PRRC2C: variants seen among roughly 807,000 people sequenced by gnomAD.
The protein encoded by PRRC2C is protein PRRC2C.
Under a neutral mutation model 317.2 loss-of-function variants are expected in PRRC2C, and 72 were observed. That is an observed-to-expected ratio of 0.23 (90% CI 0.19 to 0.28). The LOEUF is 0.28. Among genes scored for constraint, PRRC2C ranks in the 10% least tolerant of loss-of-function variants. PRRC2C has a pLI of 1.00. For synonymous variants in PRRC2C, 1,296 were observed against 1,205.9 expected, an observed-to-expected ratio of 1.07 and a Z score of -1.55; for missense variants, 3,074 against 3,459.7, an observed-to-expected ratio of 0.89 and a Z score of 2.80.
intron 1 of PRRC2C, among the ~76,000 whole-genome samples, chr1:171,489,096 C>A (rs1377769245): frequency 3.3e-5 from 5 of 151,946 alleles, no homozygotes; most frequent in Non-Finnish European, 7.4e-5. Context: ...TGGTGGTTGG[C>A]GTATACCTAG....
chr1:171,591,278 T>A (rs1651348485), intron 34 of PRRC2C: 1 of 966,448 alleles, frequency 1.0e-6, no homozygotes, highest in Admixed American at 4.7e-5. Flanking sequence ...GTTTTAAGTG[T>A]TACATGTATG....
intron 28 of PRRC2C, among the ~76,000 whole-genome samples, chr1:171,583,558 A>G (rs543844309): frequency 3.3e-5 from 5 of 152,342 alleles, no homozygotes; most frequent in Admixed American, 1.3e-4. Context: ...TAAAAAGAGT[A>G]CACTCTAAAA....
intron 27 of PRRC2C, 116 bp downstream of exon 27, chr1:171,579,582 T>A: frequency 7.0e-7 from 1 of 1,434,074 alleles, no homozygotes; most frequent in East Asian, 2.5e-5. Context: ...CACGATTAGC[T>A]TGATATTCTA....
chr1:171,518,584 G>T (rs1179660307), intron 6 of PRRC2C, among the ~76,000 whole-genome samples: 2 of 128,100 alleles, frequency 1.6e-5, no homozygotes, highest in Admixed American at 8.9e-5. Context: ...TGCACCCTCT[G>T]CCCCCTGGGT....
rs1390072737 is a variant in PRRC2C at position 171,485,919 on chromosome 1, G to A, written c.-58+184G>A. On this transcript the variant is annotated intron_variant, in intron 1 of 34. Coordinates refer to ENST00000647382, the MANE Select transcript of PRRC2C (RefSeq NM_001387844.1). ...GGTTACCATCATCTCTGTGTCTGGG[G>A]AAGTCGGCCTCCAGCTTGGGGAGCG... 2.6e-5 allele frequency among the ~76,000 whole-genome samples: 4 copies of A among 152,206 alleles called. No individual in the cohort carries two copies. In the East Asian group the frequency reaches 5.8e-4, roughly 22 times the overall value.
chr1:171,511,305 CTAAGT>C (rs1671341606), intron 1 of PRRC2C: 1 of 152,072 alleles, frequency 6.6e-6, no homozygotes, highest in African/African-American at 2.4e-5. Flanking sequence ...TATTAATAGA[CTAAGT>C]TAGGGTGCAT....
intron 1 of PRRC2C, among the ~76,000 whole-genome samples, chr1:171,502,787 G>A (rs12025647): frequency 9.9e-5 from 15 of 152,114 alleles, no homozygotes; most frequent in Admixed American, 9.8e-4. Context: ...GCAAAGGCTC[G>A]ATCTTGGCTC....
At position 171,523,336 on chromosome 1, in the gene PRRC2C, G is replaced by A. The variant is rs960126840; in HGVS notation, c.949G>A (p.Ala317Thr). Residue 317 changes from alanine (A) to threonine (T), a missense_variant, in exon 8 of 35, where the codon GCT becomes ACT. Physicochemically the swap from Ala to Thr is moderately conservative, Grantham distance 58. Transcript: ENST00000647382. ...TAAATTTGATAACCTAGATGCTGAA[G>A]CTGATGAAGGTTGGGCAGGTAAGAG... is the stretch of plus-strand genomic sequence containing the variant. ...LDKFDNLDAEADEGWAGAQME... is the reference protein window; with the variant it reads ...LDKFDNLDAETDEGWAGAQME... The A allele has an allele frequency of 1.2e-6, 2 of 1,613,966 alleles. No individual in the cohort carries two copies. The highest frequency in any genetic ancestry group is 1.7e-6 in the Non-Finnish European group (2 of 1,179,882).
intron 5 of PRRC2C, among the ~76,000 whole-genome samples, chr1:171,516,413 C>T (rs765825758): frequency 1.3e-5 from 2 of 152,148 alleles, no homozygotes; most frequent in African/African-American, 2.4e-5. Context: ...TGGGGAGGTT[C>T]GTCTATGACA....
intron 3 of PRRC2C, chr1:171,513,394 C>T (rs1041030921): frequency 3.1e-6 from 2 of 642,078 alleles, no homozygotes; most frequent in Admixed American, 4.2e-5. Context: ...GGAATCACAA[C>T]CTTGCTTATG....
chr1:171,540,640 G>A lies in PRRC2C; in HGVS notation c.3174G>A (p.Lys1058=). The change falls in exon 16 of 35, where the codon AAG becomes AAA. Residue 1058 remains lysine, a synonymous_variant. Coordinates refer to ENST00000647382, the MANE Select transcript of PRRC2C (RefSeq NM_001387844.1). ...VVVKPEKTEK[K]DLPPPPPPPQ... The stretch of plus-strand genomic sequence containing the variant: ...TAAAGCCTGAAAAGACGGAAAAGAA[G>A]GATCTTCCTCCTCCCCCACCACCAC... The A allele has an allele frequency of 6.2e-7, 1 of 1,613,878 alleles. No homozygotes were observed. Among genetic ancestry groups the A allele is most frequent in the Non-Finnish European group, 8.5e-7 (1 of 1,179,872 alleles).
chr1:171,562,053 G>C (rs886313974), intron 20 of PRRC2C, among the ~76,000 whole-genome samples: 1 of 152,154 alleles, frequency 6.6e-6, no homozygotes, highest in Non-Finnish European at 1.5e-5. Flanking sequence ...AGCAGGAAAG[G>C]TACATAAGGA....
rs150894693 is a variant in PRRC2C at position 171,575,118 on chromosome 1, A to T, written c.6945A>T (p.Ala2315=). ...QIPVASVTPT[A]SLSGAGTYTT... The stretch of plus-strand genomic sequence containing the variant: ...CTGTTGCTTCAGTCACTCCTACAGC[A>T]TCACTATCAGGTAGAACTTTTTCGT... Residue 2315 remains alanine (A), a synonymous_variant, in exon 25 of 35, where the codon GCA becomes GCT. Coordinates refer to ENST00000647382, the MANE Select transcript of PRRC2C (RefSeq NM_001387844.1). The T allele has an allele frequency of 8.7e-6, 14 of 1,612,942 alleles. No homozygotes were observed. In the African/African-American group the frequency reaches 1.7e-4, roughly 20 times the overall value.
In PRRC2C at chr1:171,542,140, C is replaced by T. The variant is rs1264539163; in HGVS notation, c.4674C>T (p.Gly1558=). The T allele has an allele frequency of 6.2e-7, 1 of 1,611,946 alleles. No homozygotes were observed. The highest frequency in any genetic ancestry group is 8.5e-7 in the Non-Finnish European group (1 of 1,179,042). ...CAGTAGATCGTCAGAATCGACGTGG[C>T]AACAATGGTCCACCCAAATCAGGAA... ...QRPVDRQNRR[G]NNGPPKSGRN... Residue 1558 remains glycine, a synonymous_variant, in exon 16 of 35, where the codon GGC becomes GGT. Coordinates refer to ENST00000647382, the MANE Select transcript of PRRC2C (RefSeq NM_001387844.1).
At chr1:171,577,296 C>A in intron 25 of PRRC2C, 138 bp from the exon 26 acceptor site, 1 of 609,390 alleles carries the variant, frequency 1.6e-6, no homozygotes, top group East Asian at 2.8e-5. Flanking sequence ...GCTACCTCAT[C>A]TACTTTTGGC....
chr1:171,520,221 C>G (rs1673294144), intron 6 of PRRC2C, among the ~76,000 whole-genome samples: 1 of 152,174 alleles, frequency 6.6e-6, no homozygotes, highest in South Asian at 2.1e-4. Context: ...CCTCGGCCTC[C>G]CAAAGTGCTG....
At chr1:171,489,484 A>T (rs1450767041) in intron 1 of PRRC2C, among the ~76,000 whole-genome samples, 1 of 152,254 alleles carries the variant, frequency 6.6e-6, no homozygotes, top group South Asian at 2.1e-4. Flanking sequence ...GTGTATAAGA[A>T]GGTAAGGGAA....
intron 2 of PRRC2C, chr1:171,512,640 T>A: frequency 4.3e-6 from 1 of 232,278 alleles, no homozygotes; most frequent in East Asian, 1.1e-4. Context: ...ATGCATGGCA[T>A]ATTAACAGTA....
chr1:171,568,283 T>G lies in PRRC2C; in HGVS notation c.6595T>G (p.Leu2199Val). The G allele has an allele frequency of 6.2e-7, 1 of 1,610,860 alleles. No individual in the cohort carries two copies. The highest frequency in any genetic ancestry group is 8.5e-7 in the Non-Finnish European group (1 of 1,178,376). Reference sequence around the variant, plus strand: ...AGACTATACTACACCCTCTTCTTCTTTGCCTAACACCGTGGCTACTAATAA... The same window carrying G: ...AGACTATACTACACCCTCTTCTTCTGTGCCTAACACCGTGGCTACTAATAA... ...VTDYTTPSSS[L>V]PNTVATNNTK... The change falls in exon 23 of 35, where the codon TTG becomes GTG. Residue 2199 changes from leucine (L) to valine (V), a missense_variant. Transcript: ENST00000647382.
Sources: allele counts gnomAD v4.1 joint callset (sites outside exome capture counted in the v4.1 genomes callset), GRCh38; gene constraint gnomAD v4.1.1; transcripts MANE v1.5; gene names NCBI Gene and HGNC (gene_info 2026-07-23, HGNC 2026-07-21).